SDHA: variants seen among roughly 807,000 people sequenced by gnomAD.
The protein encoded by SDHA is succinate dehydrogenase [ubiquinone] flavoprotein subunit, mitochondrial.
Under a neutral mutation model 78.4 loss-of-function variants are expected in SDHA, and 48 were observed. The ratio of observed to expected loss-of-function variants is 0.61; its 90% CI spans 0.49 to 0.78. The LOEUF (loss-of-function observed/expected upper bound fraction) is 0.78. Ranked by LOEUF, SDHA falls within the 30% of genes least tolerant of loss-of-function variation. The probability of loss-of-function intolerance (pLI) is 0.00; values close to 1 mark genes in which losing one functional copy is unlikely to be tolerated. For missense variants in SDHA, 680 were observed against 892.7 expected, an observed-to-expected ratio of 0.76 and a Z score of 3.04; for synonymous variants, 326 against 353.9, an observed-to-expected ratio of 0.92 and a Z score of 0.88.
rs936440152 is a variant in SDHA at position 254,590 on chromosome 5, C to T, written c.1908+84C>T. ...GCGGGCTGGCCTTGCTGATGGTGAA[C>T]GGGGAAGAGCAGGCCAGATTTAAAT... is the stretch of plus-strand genomic sequence containing the variant. On this transcript the variant is annotated intron_variant, in intron 14 of 14. Coordinates refer to ENST00000264932, the MANE Select transcript of SDHA (RefSeq NM_004168.4). 103 of 1,478,272 alleles carry T rather than the reference C, an allele frequency of 7.0e-5. 5 individuals carry two copies. Among genetic ancestry groups the T allele is most frequent in the Non-Finnish European group, 8.3e-5 (91 of 1,098,064 alleles). The allele number at this position is 1,478,272 out of a possible 1,614,324, so 91.6% of individuals were successfully genotyped here. A position where few individuals can be genotyped will look rare whatever the true frequency, so the allele number is the denominator to read the frequency against.
chr5:230,841 C>T (rs550775757), intron 6 of SDHA, 35 bp from the exon 7 acceptor site: 87 of 1,614,008 alleles, frequency 5.4e-5, no homozygotes, highest in South Asian at 3.4e-4. Flanking sequence ...AGATGTGGGC[C>T]GCTGTGTGCA....
chr5:222,228 G>T (rs1263500422), intron 1 of SDHA, among the ~76,000 whole-genome samples: 1 of 151,868 alleles, frequency 6.6e-6, no homozygotes, highest in African/African-American at 2.4e-5. Context: ...GAGAAATGAA[G>T]AATAATTTTT....
At chr5:251,507 C>T (rs1579439485) in intron 13 of SDHA, 39 bp downstream of exon 13, 1 of 1,613,522 alleles carries the variant, frequency 6.2e-7, no homozygotes, top group Non-Finnish European at 8.5e-7. Flanking sequence ...CCTGCCTTTT[C>T]CTGCCACCTG....
downstream of SDHA, among the ~76,000 whole-genome samples, chr5:258,640 CCGCCAGAGCA>C (rs2126652293): frequency 9.9e-6 from 1 of 101,010 alleles, no homozygotes. Context: ...GCTCCGCCTC[CCGCCAGAGCA>C]TTACCGTGTG....
At chr5:239,507 A>T (rs1407152061) in intron 10 of SDHA, among the ~76,000 whole-genome samples, 1 of 151,738 alleles carries the variant, frequency 6.6e-6, no homozygotes, top group Admixed American at 6.6e-5. Context: ...CAGTGAGCCG[A>T]GATGGTGCCA....
At chr5:250,966 T>C in intron 11 of SDHA, 26 bp from the exon 12 acceptor site, 2 of 1,596,774 alleles carry the variant, frequency 1.3e-6, no homozygotes, top group Non-Finnish European at 1.7e-6. Flanking sequence ...GGATTAAAAG[T>C]TTACAAATAA....
intron 3 of SDHA, 175 bp downstream of exon 3, chr5:224,696 C>A: frequency 1.5e-6 from 1 of 663,038 alleles, no homozygotes; most frequent in Non-Finnish European, 2.6e-6. Context: ...TCCCTGGGGA[C>A]TTTGAAGGGC....
chr5:265,812 T>G, the SDHA span, among the ~76,000 whole-genome samples: 1 of 137,134 alleles, frequency 7.3e-6, no homozygotes, highest in African/African-American at 3.1e-5. Flanking sequence ...AAGAGCGAGA[T>G]TCTGTCTCAA....
At chr5:221,161 T>A (rs57560339) in intron 1 of SDHA, among the ~76,000 whole-genome samples, 14,893 of 152,076 alleles carry the variant, frequency 0.098, 2,353 homozygotes, top group African/African-American at 0.33. Context: ...ACACTAAAAT[T>A]CTAGTGAGAA....
chr5:235,958 G>A (rs539405104), intron 9 of SDHA: 24 of 244,882 alleles, frequency 9.8e-5, no homozygotes, highest in Admixed American at 4.1e-4. Context: ...GGATACCTTC[G>A]GAAGCTTCCC....
intron 11 of SDHA, 36 bp from the exon 12 acceptor site, chr5:250,956 G>A (rs1736782057): frequency 6.4e-7 from 1 of 1,570,326 alleles, no homozygotes; most frequent in Non-Finnish European, 8.8e-7. Flanking sequence ...CTGCTTCTAT[G>A]GATTAAAAGT....
At chr5:266,248 G>C in the SDHA span, among the ~76,000 whole-genome samples, 1 of 152,226 alleles carries the variant, frequency 6.6e-6, no homozygotes, top group African/African-American at 2.4e-5. Context: ...TAAACTAAGA[G>C]GAAGTATTAA....
rs536908474 is a variant in SDHA at position 256,871 on chromosome 5, A to G, written c.*451A>G. Among the ~76,000 whole-genome samples the G allele has an allele frequency of 2.3e-3, 334 of 144,176 alleles. No homozygotes were observed. Among genetic ancestry groups the G allele is most frequent in the African/African-American group, 8.3e-3 (312 of 37,522 alleles). 94.6% of individuals were successfully genotyped at this position (144,176 alleles called of 152,430 possible). On this transcript the variant is annotated 3_prime_UTR_variant, in exon 15 of 15. Transcript: ENST00000264932. ...AGGATCGGTGCAGTAGTACAATCAC[A>G]GCTCACTGCAGCCTCAAACTCCTGG...
At chr5:245,772 A>T (rs1238545397) in intron 11 of SDHA, among the ~76,000 whole-genome samples, 1 of 152,242 alleles carries the variant, frequency 6.6e-6, no homozygotes, top group Non-Finnish European at 1.5e-5. Flanking sequence ...AGACTTTCAA[A>T]AATTACTGGG....
intron 10 of SDHA, among the ~76,000 whole-genome samples, chr5:239,456 G>A (rs1041738869): frequency 2.0e-5 from 3 of 152,042 alleles, no homozygotes; most frequent in Non-Finnish European, 4.4e-5. Flanking sequence ...TACTCTGGAG[G>A]CTGAGGCAGG....
At chr5:233,334 A>C (rs916721371) in intron 7 of SDHA, 143 bp from the exon 8 acceptor site, 1 of 824,942 alleles carries the variant, frequency 1.2e-6, no homozygotes, top group Non-Finnish European at 2.0e-6. Context: ...CTGTATCTTA[A>C]CTGTCTTGCT....
At chr5:248,509 A>G (rs1175586680) in intron 11 of SDHA, among the ~76,000 whole-genome samples, 2 of 152,218 alleles carry the variant, frequency 1.3e-5, no homozygotes, top group Admixed American at 6.5e-5. Context: ...ATATTTATCA[A>G]TCTTGGCTGG....
In SDHA at chr5:228,330, C is replaced by G. The variant is rs2126559328; in HGVS notation, c.767C>G (p.Thr256Arg). Residue 256 changes from threonine to arginine, a missense_variant, in exon 6 of 15, where the codon ACA becomes AGA. Transcript: ENST00000264932. ...RIRAKNTVVA[T>R]GGYGRTYFSC... ...AGAGCAAAGAACACTGTTGTTGCCACAGGGTAGGAATCTCATTTCTACTTT... is the reference window on the plus strand; with the variant it reads ...AGAGCAAAGAACACTGTTGTTGCCAGAGGGTAGGAATCTCATTTCTACTTT... The G allele has an allele frequency of 6.2e-7, 1 of 1,613,680 alleles. No individual in the cohort carries two copies. Among genetic ancestry groups the G allele is most frequent in the South Asian group, 1.1e-5 (1 of 91,072 alleles).
At chr5:235,736 G>A (rs1735733740) in intron 9 of SDHA, 2 of 352,380 alleles carry the variant, frequency 5.7e-6, no homozygotes, top group Non-Finnish European at 5.5e-6. Flanking sequence ...CTCTCCCTGC[G>A]TAGACGAAGA....
Sources: gnomAD v4.1 joint callset for allele counts (sites outside exome capture counted in the v4.1 genomes callset) on GRCh38, gnomAD v4.1.1 for gene constraint, MANE v1.5 for transcripts, NCBI Gene and HGNC (gene_info 2026-07-23, HGNC 2026-07-21) for gene names.